The following ADAMTS19 variants were observed in gnomAD, a reference collection of about 807,000 sequenced individuals.
ADAMTS19 encodes A disintegrin and metalloproteinase with thrombospondin motifs 19.
Under a neutral mutation model 153.3 loss-of-function variants are expected in ADAMTS19, and 93 were observed. The ratio of observed to expected loss-of-function variants is 0.61; its 90% CI spans 0.51 to 0.72. The LOEUF (loss-of-function observed/expected upper bound fraction) is 0.72. Ranked by LOEUF, ADAMTS19 falls within the 30% of genes least tolerant of loss-of-function variation. ADAMTS19 has a pLI of 0.00. For synonymous variants in ADAMTS19, 600 were observed against 556.6 expected, an observed-to-expected ratio of 1.08 and a Z score of -1.10; for missense variants, 1,482 against 1,552.1, an observed-to-expected ratio of 0.95 and a Z score of 0.76.
intron 10 of ADAMTS19, among the ~76,000 whole-genome samples, chr5:129,630,247 A>G (rs1752228821): frequency 1.3e-5 from 2 of 152,148 alleles, no homozygotes; most frequent in Non-Finnish European, 2.9e-5. Flanking sequence ...ATGAAGAACT[A>G]TAGAAGGCCT....
intron 7 of ADAMTS19, among the ~76,000 whole-genome samples, chr5:129,572,341 C>T (rs1008687401): frequency 1.3e-5 from 2 of 151,856 alleles, no homozygotes; most frequent in South Asian, 2.1e-4. Flanking sequence ...ACTTCACAAC[C>T]GCTTTGGAAA....
chr5:129,648,772 T>C (rs1437324153), intron 12 of ADAMTS19, 26 bp from the exon 13 acceptor site: 4 of 1,601,354 alleles, frequency 2.5e-6, no homozygotes, highest in Non-Finnish European at 2.6e-6. Context: ...AAACATAAAA[T>C]TGATTATTTG....
At chr5:129,566,709 C>T (rs1370212390) in intron 7 of ADAMTS19, among the ~76,000 whole-genome samples, 1 of 152,142 alleles carries the variant, frequency 6.6e-6, no homozygotes, top group East Asian at 1.9e-4. Flanking sequence ...AGAAGCCCTT[C>T]CTTTAATGTC....
chr5:129,506,188 T>C (rs1751263847), intron 2 of ADAMTS19, among the ~76,000 whole-genome samples: 1 of 152,142 alleles, frequency 6.6e-6, no homozygotes, highest in Non-Finnish European at 1.5e-5. Flanking sequence ...TCTGCTTTAA[T>C]ATGAGCCAGT....
At chr5:129,499,297 A>G (rs1751025368) in intron 2 of ADAMTS19, among the ~76,000 whole-genome samples, 1 of 152,092 alleles carries the variant, frequency 6.6e-6, no homozygotes, top group Non-Finnish European at 1.5e-5. Context: ...GAAATGAGAT[A>G]ACTATCAGAA....
intron 21 of ADAMTS19, among the ~76,000 whole-genome samples, chr5:129,734,072 A>G (rs1171632960): frequency 2.6e-5 from 4 of 151,918 alleles, no homozygotes; most frequent in African/African-American, 9.7e-5. Context: ...CCTAAGTGAA[A>G]TAACTCAGAA....
intron 21 of ADAMTS19, among the ~76,000 whole-genome samples, chr5:129,710,041 C>T (rs992494639): frequency 1.3e-5 from 2 of 151,698 alleles, no homozygotes; most frequent in African/African-American, 4.8e-5. Context: ...TAAATGTGTG[C>T]CATACTGGTT....
In ADAMTS19 at chr5:129,614,791, T is replaced by C. The variant is rs542353621; in HGVS notation, c.1479-5827T>C. Among the ~76,000 whole-genome samples, 4 of 152,156 alleles carry C rather than the reference T, an allele frequency of 2.6e-5. No homozygotes were observed. In the South Asian group the frequency reaches 8.3e-4, roughly 31 times the overall value. On this transcript the variant is annotated intron_variant, in intron 8 of 22. Coordinates refer to ENST00000274487, the MANE Select transcript of ADAMTS19 (RefSeq NM_133638.6). ...TGATTGTATATCTAGAAAACCCCAT[T>C]GTCTCAGCCCAAAATCTCCTTAAGC...
At chr5:129,622,130 T>C in intron 9 of ADAMTS19, 68 bp from the exon 10 acceptor site, 3 of 1,514,164 alleles carry the variant, frequency 2.0e-6, no homozygotes, top group Non-Finnish European at 2.7e-6. Context: ...TTTCTTGTTG[T>C]ATGCTAACCA....
At chr5:129,613,725 C>CA (rs756082314) in intron 8 of ADAMTS19, among the ~76,000 whole-genome samples, 1 of 151,974 alleles carries the variant, frequency 6.6e-6, no homozygotes, top group Non-Finnish European at 1.5e-5. Flanking sequence ...AAAAACCCTT[C>CA]AAAAAATCAG....
intron 2 of ADAMTS19, among the ~76,000 whole-genome samples, chr5:129,480,036 A>G (rs1400133920): frequency 6.6e-6 from 1 of 152,196 alleles, no homozygotes; most frequent in East Asian, 1.9e-4. Flanking sequence ...GAGAACTTAC[A>G]TGATCTTATT....
chr5:129,738,009 T>A lies in ADAMTS19; in HGVS notation c.*791T>A, dbSNP rs112855513. The stretch of plus-strand genomic sequence containing the variant: ...GTTATCACTAGATTTTAGCTTTTTT[T>A]AAATATTTTTAACAAAGAAAACATT... On this transcript the variant is annotated 3_prime_UTR_variant, in exon 23 of 23. Transcript: ENST00000274487. 1,907 of 152,590 alleles carry A rather than the reference T, an allele frequency of 0.012. 34 individuals carry two copies. Among genetic ancestry groups the A allele is most frequent in the African/African-American group, 0.04 (1,663 of 41,550 alleles). 9.5% of individuals were successfully genotyped at this position (152,590 alleles called of 1,614,324 possible).
chr5:129,647,773 G>A lies in ADAMTS19; in HGVS notation c.1881G>A (p.Lys627=), dbSNP rs766354573. ...CATAACTTTTGGAATAGTGGTGTAA[G>A]GCTGGAGAATGTACCAGCAGGACCT... ...GTDCDLGKWC[K]AGECTSRTSA... Residue 627 remains lysine, a synonymous_variant, in exon 12 of 23, where the codon AAG becomes AAA. Coordinates refer to ENST00000274487, the MANE Select transcript of ADAMTS19 (RefSeq NM_133638.6). 1.9e-6 allele frequency: 3 copies of A among 1,613,850 alleles called. No homozygotes were observed. Among genetic ancestry groups the A allele is most frequent in the African/African-American group, 1.3e-5 (1 of 74,918 alleles).
intron 1 of ADAMTS19, 121 bp from the exon 2 acceptor site, chr5:129,460,981 G>A: frequency 2.4e-6 from 3 of 1,241,050 alleles, no homozygotes; most frequent in Non-Finnish European, 1.0e-6. Context: ...GGGTCTAGAC[G>A]GGTGGTCTCC....
chr5:129,466,082 G>A (rs1023010518), intron 2 of ADAMTS19, among the ~76,000 whole-genome samples: 2 of 152,126 alleles, frequency 1.3e-5, no homozygotes, highest in Admixed American at 6.5e-5. Context: ...GCCAAGCACC[G>A]GAAGCCACAT....
chr5:129,654,708 A>C (rs1753467643), intron 14 of ADAMTS19, among the ~76,000 whole-genome samples: 1 of 152,142 alleles, frequency 6.6e-6, no homozygotes, highest in Non-Finnish European at 1.5e-5. Context: ...ACAGGTTTAA[A>C]ATTGGAGCAC....
intron 6 of ADAMTS19, among the ~76,000 whole-genome samples, chr5:129,529,756 G>A (rs376275615): frequency 6.6e-6 from 1 of 152,116 alleles, no homozygotes; most frequent in East Asian, 1.9e-4. Context: ...CATGAAGTAC[G>A]TGTGCTGACT....
At chr5:129,481,713 A>C (rs1459760660) in intron 2 of ADAMTS19, among the ~76,000 whole-genome samples, 3 of 152,176 alleles carry the variant, frequency 2.0e-5, no homozygotes, top group Non-Finnish European at 4.4e-5. Flanking sequence ...TAAAATAGTA[A>C]AACAACACTG....
chr5:129,631,064 A>G (rs1250043034), intron 10 of ADAMTS19, among the ~76,000 whole-genome samples: 1 of 151,952 alleles, frequency 6.6e-6, no homozygotes, highest in African/African-American at 2.4e-5. Flanking sequence ...AAGTTTAAAG[A>G]ATTGAAAAAA....
Sources: allele counts gnomAD v4.1 joint callset (sites outside exome capture counted in the v4.1 genomes callset), GRCh38; gene constraint gnomAD v4.1.1; transcripts MANE v1.5; gene names NCBI Gene and HGNC (gene_info 2026-07-23, HGNC 2026-07-21).